Variants in ARF4 observed in about 807,000 individuals in gnomAD.
The protein encoded by ARF4 is ARF GTPase 4, also known as ADP-ribosylation factor 4.
Under a neutral mutation model 24.3 loss-of-function variants are expected in ARF4, and 5 were observed. The observed-to-expected ratio is 0.21, with a 90% CI of 0.11 to 0.43. The LOEUF (loss-of-function observed/expected upper bound fraction) is 0.43. Ranked by LOEUF, ARF4 falls within the 20% of genes least tolerant of loss-of-function variation. The pLI is 1.00. For missense variants in ARF4, 107 were observed against 213.0 expected, an observed-to-expected ratio of 0.50 and a Z score of 3.10; for synonymous variants, 62 against 73.5, an observed-to-expected ratio of 0.84 and a Z score of 0.80.
chr3:57,587,875 A>G (rs1413761300), intron 1 of ARF4, among the ~76,000 whole-genome samples: 1 of 152,204 alleles, frequency 6.6e-6, no homozygotes, highest in Non-Finnish European at 1.5e-5. Context: ...ATGCAGTTGT[A>G]TCAAAAATAA....
At chr3:57,580,498 C>T (rs915905857) in intron 3 of ARF4, among the ~76,000 whole-genome samples, 1 of 152,124 alleles carries the variant, frequency 6.6e-6, no homozygotes, top group Non-Finnish European at 1.5e-5. Context: ...AACTCCTGTG[C>T]TCAGGTGATC....
intron 1 of ARF4, chr3:57,596,844 A>G (rs575766173): frequency 3.8e-6 from 2 of 527,430 alleles, no homozygotes; most frequent in Non-Finnish European, 3.4e-6. Flanking sequence ...GAGTCCAGAA[A>G]GAAATCTTGC....
In ARF4 at chr3:57,596,753, G is replaced by C. The variant is rs533838822; in HGVS notation, c.67+321C>G. On this transcript the variant is annotated intron_variant, in intron 1 of 5. Transcript: ENST00000303436. ...GCACCCCCAGAAAGGGCCTCGCCAA[G>C]TGTTTGCTTCCCAGAGTTGGCTTTC... 9 of 316,898 alleles carry C rather than the reference G, an allele frequency of 2.8e-5. No individual in the cohort carries two copies. In the South Asian group the frequency reaches 3.0e-4, roughly 10 times the overall value. 19.6% of individuals were successfully genotyped at this position (316,898 alleles called of 1,614,324 possible). A position where few individuals can be genotyped will look rare whatever the true frequency, so the allele number is the denominator to read the frequency against.
In ARF4 at chr3:57,596,903, G is replaced by A. The variant is rs9877985; in HGVS notation, c.67+171C>T. On this transcript the variant is annotated intron_variant, in intron 1 of 5. Coordinates refer to ENST00000303436, the MANE Select transcript of ARF4 (RefSeq NM_001660.4). ...CTGGCGACAGATCGGGGGCGGGGGG[G>A]ATCGCTCACCCTCCGCTCCATTGTT... 15,640 of 645,764 alleles carry A rather than the reference G, an allele frequency of 0.024. 1,815 individuals are homozygous for A. In the African/African-American group the frequency reaches 0.25, roughly 10 times the overall value. The allele number at this position is 645,764 out of a possible 1,614,324, so 40.0% of individuals were successfully genotyped here.
In ARF4 at chr3:57,571,664, TAA is replaced by T. The variant is rs1458545335; in HGVS notation, c.*546_*547del. 3.3e-5 allele frequency: 5 copies of T among 152,808 alleles called. No individual in the cohort carries two copies. Among genetic ancestry groups the T allele is most frequent in the Non-Finnish European group, 7.3e-5 (5 of 68,168 alleles). 9.5% of individuals were successfully genotyped at this position (152,808 alleles called of 1,614,324 possible). On this transcript the variant is annotated 3_prime_UTR_variant, in exon 6 of 6. Coordinates refer to ENST00000303436, the MANE Select transcript of ARF4 (RefSeq NM_001660.4). ...TATCAAATCCAAACCCCACCAAGGT[TAA>T]GTTTGGCTGATGTAGGCCAGGAGTC...
At chr3:57,578,508 G>T (rs1380270688) in intron 3 of ARF4, among the ~76,000 whole-genome samples, 1 of 145,794 alleles carries the variant, frequency 6.9e-6, no homozygotes, top group East Asian at 2.0e-4. Flanking sequence ...TCTCAGACAG[G>T]GTCTCAACTC....
At chr3:57,590,453 T>G (rs1252480910) in intron 1 of ARF4, among the ~76,000 whole-genome samples, 1 of 152,118 alleles carries the variant, frequency 6.6e-6, no homozygotes, top group African/African-American at 2.4e-5. Flanking sequence ...GCCACTGCAC[T>G]CTAGCCTAGG....
At chr3:57,590,632 C>T (rs1243691064) in intron 1 of ARF4, among the ~76,000 whole-genome samples, 1 of 152,062 alleles carries the variant, frequency 6.6e-6, no homozygotes, top group East Asian at 1.9e-4. Context: ...AAATTATCTA[C>T]AAGTTTGAAA....
At chr3:57,591,660 T>C (rs2070118342) in intron 1 of ARF4, among the ~76,000 whole-genome samples, 1 of 151,854 alleles carries the variant, frequency 6.6e-6, no homozygotes, top group Non-Finnish European at 1.5e-5. Flanking sequence ...ATAGATGGGG[T>C]TTCACTATGT....
At chr3:57,575,798 A>G (rs1179322795) in intron 4 of ARF4, 125 bp from the exon 5 acceptor site, 1 of 1,065,320 alleles carries the variant, frequency 9.4e-7, no homozygotes, top group African/African-American at 1.6e-5. Context: ...TCTCGACACA[A>G]AGTTCACTCT....
chr3:57,588,978 T>C lies in ARF4; in HGVS notation c.68-4514A>G, dbSNP rs182949079. On this transcript the variant is annotated intron_variant, in intron 1 of 5. Coordinates refer to ENST00000303436, the MANE Select transcript of ARF4 (RefSeq NM_001660.4). ...TTAGCTGGGTGTAGTGGCACATGCC[T>C]GTAATCCCAGCTACTCGGGAGGCTG... Among the ~76,000 whole-genome samples, 4 of 152,252 alleles carry C rather than the reference T, an allele frequency of 2.6e-5. No homozygotes were observed. The East Asian group carries it at 5.8e-4, about 22-fold the overall frequency.
chr3:57,592,685 C>A (rs1012780309), intron 1 of ARF4, among the ~76,000 whole-genome samples: 2 of 152,156 alleles, frequency 1.3e-5, no homozygotes, highest in African/African-American at 2.4e-5. Flanking sequence ...CAAAAGGGTG[C>A]ATCTAAGGAT....
At chr3:57,581,736 G>A (rs2069974298) in intron 3 of ARF4, among the ~76,000 whole-genome samples, 2 of 152,264 alleles carry the variant, frequency 1.3e-5, no homozygotes, top group South Asian at 4.1e-4. Context: ...GGAGGCAGAG[G>A]TTGCAGTGAG....
intron 3 of ARF4, among the ~76,000 whole-genome samples, chr3:57,578,899 G>A (rs1575782011): frequency 6.7e-6 from 1 of 149,392 alleles, no homozygotes; most frequent in East Asian, 2.0e-4. Flanking sequence ...AAGGGGGGGG[G>A]CAAAAATAAA....
intron 3 of ARF4, among the ~76,000 whole-genome samples, chr3:57,579,659 T>G (rs535584145): frequency 1.3e-5 from 2 of 152,286 alleles, no homozygotes; most frequent in Admixed American, 1.3e-4. Context: ...CATCTAACAC[T>G]TATTTTACAT....
At position 57,572,000 on chromosome 3, in the gene ARF4, C is replaced by CT; in HGVS notation, c.*211dup. On this transcript the variant is annotated 3_prime_UTR_variant, in exon 6 of 6. Transcript: ENST00000303436. ...TGGGAAGTAAAATTAAAAGAGGATA[C>CT]TTTTTTCCCAAGGAGAATTTCTTTA... The CT allele has an allele frequency of 2.1e-6, 1 of 477,262 alleles. No individual in the cohort carries two copies. The highest frequency in any genetic ancestry group is 3.3e-5 in the East Asian group (1 of 30,342). 29.6% of individuals were successfully genotyped at this position (477,262 alleles called of 1,614,324 possible).
chr3:57,584,557 G>T, intron 1 of ARF4, 93 bp from the exon 2 acceptor site: 1 of 1,055,740 alleles, frequency 9.5e-7, no homozygotes, highest in South Asian at 1.5e-5. Flanking sequence ...ACTAGAAGTT[G>T]ACTGTTCAAG....
rs758239795 is a variant in ARF4 at position 57,575,557 on chromosome 3, A to C, written c.447T>G (p.Arg149=). ...ACCTCCAAATACTTACTGTTCTGTTACGAAGAGACTGAAGCCCTAGTTTAT... is the reference window on the plus strand; with the variant it reads ...ACCTCCAAATACTTACTGTTCTGTTCCGAAGAGACTGAAGCCCTAGTTTAT... The part of the protein sequence containing the change: ...MTDKLGLQSL[R]NRTWYVQATC... The change falls in exon 5 of 6, where the codon CGT becomes CGG. Residue 149 remains arginine (R), a synonymous_variant. Coordinates refer to ENST00000303436, the MANE Select transcript of ARF4 (RefSeq NM_001660.4). The C allele has an allele frequency of 1.4e-5, 22 of 1,612,624 alleles. No individual in the cohort carries two copies. In the East Asian group the frequency reaches 4.9e-4, roughly 36 times the overall value.
intron 1 of ARF4, among the ~76,000 whole-genome samples, chr3:57,595,358 CA>C (rs1243817966): frequency 2.0e-5 from 3 of 152,198 alleles, no homozygotes; most frequent in Non-Finnish European, 4.4e-5. Context: ...ATTCATTTAT[CA>C]CAGTCCGAAG....
Sources: allele counts gnomAD v4.1 joint callset (sites outside exome capture counted in the v4.1 genomes callset), GRCh38; gene constraint gnomAD v4.1.1; transcripts MANE v1.5; gene names NCBI Gene and HGNC (gene_info 2026-07-23, HGNC 2026-07-21).